The following DENND11 variants were observed in gnomAD, a reference collection of about 807,000 sequenced individuals.
DENND11 encodes DENN domain-containing protein 11.
In DENND11, 34 loss-of-function variants were observed where a neutral mutation model predicts 49.2. The observed-to-expected ratio is 0.69, with a 90% CI of 0.53 to 0.92. The LOEUF (loss-of-function observed/expected upper bound fraction) is 0.92, where lower values mean the gene tolerates loss of function less well. DENND11 is among the 40% of genes least tolerant of loss of function. The pLI is 0.00. For synonymous variants in DENND11, 238 were observed against 230.3 expected, an observed-to-expected ratio of 1.03 and a Z score of -0.30; for missense variants, 475 against 581.6, an observed-to-expected ratio of 0.82 and a Z score of 1.88.
At position 141,666,378 on chromosome 7, in the gene DENND11, T is replaced by C; in HGVS notation, c.729A>G (p.Gly243=). The C allele has an allele frequency of 6.2e-7, 1 of 1,612,650 alleles. No homozygotes were observed. Among genetic ancestry groups the C allele is most frequent in the Non-Finnish European group, 8.5e-7 (1 of 1,179,026 alleles). Residue 243 remains glycine (G), a synonymous_variant, in exon 5 of 9, where the codon GGA becomes GGG. Coordinates refer to ENST00000536163, the MANE Select transcript of DENND11 (RefSeq NM_001080392.2). ...GCMSQFIKFF[G]EQILILWKFA... ...ATTTCCAGAGGATGAGGATCTGTTC[T>C]CCAAAGAACTTTATAAACTGAGACA...
chr7:141,690,843 A>G (rs1798316004), intron 1 of DENND11, among the ~76,000 whole-genome samples: 2 of 152,216 alleles, frequency 1.3e-5, no homozygotes, highest in African/African-American at 4.8e-5. Flanking sequence ...AGCCTTTAAT[A>G]TGCCACTCTG....
intron 4 of DENND11, among the ~76,000 whole-genome samples, chr7:141,672,437 C>T (rs1196983124): frequency 6.6e-6 from 1 of 152,234 alleles, no homozygotes; most frequent in Admixed American, 6.5e-5. Flanking sequence ...AGCAAGCTCA[C>T]ATAGTGGAGA....
intron 1 of DENND11, among the ~76,000 whole-genome samples, chr7:141,696,664 A>G (rs764391062): frequency 1.3e-5 from 2 of 152,206 alleles, no homozygotes; most frequent in Non-Finnish European, 2.9e-5. Context: ...CCTGATTGTA[A>G]TCAGGAAGTC....
At chr7:141,666,150 TC>T in intron 5 of DENND11, 136 bp downstream of exon 5, 2 of 842,210 alleles carry the variant, frequency 2.4e-6, no homozygotes, top group Non-Finnish European at 3.5e-6. Context: ...TCACAGCCAA[TC>T]AGTTCACTCC....
rs1210263234 is a variant in DENND11 at position 141,659,605 on chromosome 7, G to A, written c.*3051C>T. On this transcript the variant is annotated 3_prime_UTR_variant, in exon 9 of 9. Transcript: ENST00000536163. ...CTGGAACTTCTTCTGACTTATTCAG[G>A]AACAACAGGGCAGCCCAGCCAGCAT... 6.6e-6 allele frequency: 1 copy of A among 152,302 alleles called. No homozygotes were observed. The highest frequency in any genetic ancestry group is 2.4e-5 in the African/African-American group (1 of 41,432). The allele number at this position is 152,302 out of a possible 1,614,324, so 9.4% of individuals were successfully genotyped here.
At chr7:141,677,223 C>T (rs941586102) in intron 3 of DENND11, among the ~76,000 whole-genome samples, 2 of 151,676 alleles carry the variant, frequency 1.3e-5, no homozygotes, top group Admixed American at 6.6e-5. Context: ...GCCAGAAGTT[C>T]GAGACCAGCC....
chr7:141,686,681 G>C, intron 1 of DENND11, 23 bp from the exon 2 acceptor site: 1 of 1,548,196 alleles, frequency 6.5e-7, no homozygotes, highest in Non-Finnish European at 8.9e-7. Flanking sequence ...GAAGATGCAA[G>C]TTAAAAGAAA....
At chr7:141,665,815 C>G (rs1797886070) in intron 5 of DENND11, among the ~76,000 whole-genome samples, 1 of 151,818 alleles carries the variant, frequency 6.6e-6, no homozygotes. Flanking sequence ...GGTCCCGACC[C>G]AGCTAGGCAG....
chr7:141,701,711 G>C, intron 1 of DENND11, 175 bp downstream of exon 1: 1 of 414,898 alleles, frequency 2.4e-6, no homozygotes, highest in Non-Finnish European at 3.7e-6. Flanking sequence ...GAGGGAGAGA[G>C]CTGAGGACTG....
intron 1 of DENND11, 82 bp from the exon 2 acceptor site, chr7:141,686,740 C>A: frequency 1.1e-6 from 1 of 925,422 alleles, no homozygotes; most frequent in South Asian, 1.4e-5. Flanking sequence ...GCACACATGG[C>A]TTTTCAATAA....
rs975975456 is a variant in DENND11, at chr7:141,661,571, A to T, written c.*1085T>A. The T allele has an allele frequency of 2.0e-5, 3 of 152,208 alleles. No homozygotes were observed. The highest frequency in any genetic ancestry group is 7.2e-5 in the African/African-American group (3 of 41,450). 9.4% of individuals were successfully genotyped at this position (152,208 alleles called of 1,614,324 possible). ...AGGAATGTCACCTCTGCTAAAGAGA[A>T]GTGTGTTTGTGAGGGGTCCAAAATG... On this transcript the variant is annotated 3_prime_UTR_variant, in exon 9 of 9. Coordinates refer to ENST00000536163, the MANE Select transcript of DENND11 (RefSeq NM_001080392.2).
At position 141,662,758 on chromosome 7, in the gene DENND11, G is replaced by T. The variant is rs375569681; in HGVS notation, c.1266C>A (p.Gly422=). Residue 422 remains glycine, a synonymous_variant, in exon 9 of 9, where the codon GGC becomes GGA. Transcript: ENST00000536163. The stretch of plus-strand genomic sequence containing the variant: ...GGTCTCCTTGGGGGTCTAGGCCCAT[G>T]CCCCGGGCATGCTCTGCTGTCAGAG... ...DKTLTAEHAR[G]MGLDPQGDRS... The T allele has an allele frequency of 3.0e-4, 483 of 1,610,710 alleles. No individual in the cohort carries two copies. Among genetic ancestry groups the T allele is most frequent in the Non-Finnish European group, 2.4e-4 (285 of 1,178,668 alleles).
chr7:141,696,429 A>G (rs992463569), intron 1 of DENND11, among the ~76,000 whole-genome samples: 2 of 152,202 alleles, frequency 1.3e-5, no homozygotes, highest in Non-Finnish European at 2.9e-5. Flanking sequence ...CTTGAACCAA[A>G]ACAATCTCTT....
Position 141,701,891 on chromosome 7 carries a change from C to CG in DENND11, c.262dup (p.Arg88ProfsTer15). ...GGCCCCGGCGCGGCCCTCACCCGAG[C>CG]GGGGGTCGAAGGTGACCACGAACAC... On this transcript the variant is annotated frameshift_variant, in exon 1 of 9. Coordinates refer to ENST00000536163, the MANE Select transcript of DENND11 (RefSeq NM_001080392.2). LOFTEE classifies it high-confidence loss of function. The CG allele has an allele frequency of 1.7e-6, 2 of 1,204,862 alleles. No homozygotes were observed. The highest frequency in any genetic ancestry group is 1.0e-6 in the Non-Finnish European group (1 of 971,286). The allele number at this position is 1,204,862 out of a possible 1,614,324, so 74.6% of individuals were successfully genotyped here.
chr7:141,697,336 C>G (rs1304950226), intron 1 of DENND11, among the ~76,000 whole-genome samples: 2 of 152,184 alleles, frequency 1.3e-5, no homozygotes, highest in African/African-American at 4.8e-5. Context: ...TGGCTACAAA[C>G]TGATTTCTCC....
At position 141,698,140 on chromosome 7, in the gene DENND11, C is replaced by T. The variant is rs1293288740; in HGVS notation, c.268+3746G>A. Among the ~76,000 whole-genome samples, 5 of 152,194 alleles carry T rather than the reference C, an allele frequency of 3.3e-5. No individual in the cohort carries two copies. The East Asian group carries it at 7.7e-4, about 23-fold the overall frequency. On this transcript the variant is annotated intron_variant, in intron 1 of 8. Coordinates refer to ENST00000536163, the MANE Select transcript of DENND11 (RefSeq NM_001080392.2). ...TGAGGCAGATGCAAAGATGTCCAGACATTGTATGTTCAAAGCTTCATCGGC... is the reference window on the plus strand; with the variant it reads ...TGAGGCAGATGCAAAGATGTCCAGATATTGTATGTTCAAAGCTTCATCGGC...
chr7:141,701,624 A>T, intron 1 of DENND11: 1 of 236,132 alleles, frequency 4.2e-6, no homozygotes, highest in Non-Finnish European at 8.1e-6. Flanking sequence ...AGGGGAGGGG[A>T]GAGGAGGTCG....
chr7:141,665,925 C>T (rs978912958), intron 5 of DENND11, among the ~76,000 whole-genome samples: 1 of 151,850 alleles, frequency 6.6e-6, no homozygotes, highest in Admixed American at 6.6e-5. Flanking sequence ...TCCTCCGTCC[C>T]CCATCTGGTG....
chr7:141,666,755 C>A (rs1267216349), intron 4 of DENND11, among the ~76,000 whole-genome samples: 1 of 152,190 alleles, frequency 6.6e-6, no homozygotes, highest in Non-Finnish European at 1.5e-5. Context: ...GAAAACTCAA[C>A]TCGAAAACAT....
Sources: gnomAD v4.1 joint callset for allele counts (sites outside exome capture counted in the v4.1 genomes callset) on GRCh38, gnomAD v4.1.1 for gene constraint, MANE v1.5 for transcripts, NCBI Gene and HGNC (gene_info 2026-07-23, HGNC 2026-07-21) for gene names.